Variants in GADL1 observed in about 807,000 individuals in gnomAD.
The protein encoded by GADL1 is acidic amino acid decarboxylase GADL1.
A neutral mutation model predicts 69.5 loss-of-function variants in GADL1; 71 were observed. The ratio of observed to expected loss-of-function variants is 1.02; its 90% CI spans 0.84 to 1.25. GADL1 has a LOEUF of 1.25. Ranked by LOEUF, GADL1 falls within the 50% of genes most tolerant of loss-of-function variation. GADL1 has a pLI of 0.00. For synonymous variants in GADL1, 254 were observed against 214.4 expected (o/e 1.18, Z -1.62); for missense variants, 737 against 631.8 (o/e 1.17, Z -1.79).
At chr3:30,761,082 C>T (rs1442736039) in intron 14 of GADL1, among the ~76,000 whole-genome samples, 1 of 152,168 alleles carries the variant, frequency 6.6e-6, no homozygotes, top group South Asian at 2.1e-4. Flanking sequence ...AAAAAGCTAT[C>T]GGGTTTCATA....
chr3:30,765,776 G>GGGGAGATGAAGGTGGGGA (rs1404301200), intron 14 of GADL1, among the ~76,000 whole-genome samples: 11 of 152,218 alleles, frequency 7.2e-5, no homozygotes, highest in African/African-American at 2.4e-4. Flanking sequence ...CATCTCCCCT[G>GGGGAGATGAAGGTGGGGA]CAATCTACTG....
intron 14 of GADL1, among the ~76,000 whole-genome samples, chr3:30,769,556 CT>C (rs1696368776): frequency 1.4e-4 from 1 of 6,976 alleles, no homozygotes; most frequent in African/African-American, 1.0e-3. Context: ...CATGGGCCAG[CT>C]TAGGCTACAA....
At chr3:30,806,412 AAAAGACTTGGCTGT>A (rs1235681843) in intron 11 of GADL1, among the ~76,000 whole-genome samples, 1 of 152,200 alleles carries the variant, frequency 6.6e-6, no homozygotes, top group Non-Finnish European at 1.5e-5. Context: ...GGTTGCAAAT[AAAAGACTTGGCTGT>A]AATCTAAAAT....
rs1317429842 is a variant in GADL1, at chr3:30,850,934, A to T, written c.436T>A (p.Tyr146Asn). 3 of 1,519,788 alleles carry T rather than the reference A, an allele frequency of 2.0e-6. No individual in the cohort carries two copies. In the East Asian group the frequency reaches 7.4e-5, roughly 37 times the overall value. 94.1% of individuals were successfully genotyped at this position (1,519,788 alleles called of 1,614,324 possible). ...TEALNPSVYT[Y>N]EVSPVFLLVE... ...AACAGAAACACTGGGGACACCTCAT[A>T]CGTATAACTAGATAGATATAAAAAA... is the stretch of plus-strand genomic sequence containing the variant. The change falls in exon 5 of 15, where the codon TAT (tyrosine) becomes AAT (asparagine). Residue 146 changes from tyrosine (Y) to asparagine (N), a missense_variant. Transcript: ENST00000282538.
Position 30,746,332 on chromosome 3 carries a change from T to C in GADL1, c.1393-17917A>G, listed in dbSNP as rs191180664. Among the ~76,000 whole-genome samples, 34 of 152,266 alleles carry C rather than the reference T, an allele frequency of 2.2e-4. 1 individual carries two copies. In the East Asian group the frequency reaches 6.2e-3, roughly 28 times the overall value. ...ATTGTTAAAATTACACACTTTAAGG[T>C]ACCACTCACTGCAGACCTACTGAGC... On this transcript the variant is annotated intron_variant, in intron 14 of 14. Transcript: ENST00000282538.
intron 1 of GADL1, among the ~76,000 whole-genome samples, chr3:30,865,413 C>A (rs2125538662): frequency 6.6e-6 from 1 of 152,052 alleles, no homozygotes; most frequent in Non-Finnish European, 1.5e-5. Flanking sequence ...AAGTGCCTGG[C>A]AGTTTGCAGG....
chr3:30,840,075 A>G (rs920589505), intron 8 of GADL1, among the ~76,000 whole-genome samples: 2 of 152,256 alleles, frequency 1.3e-5, no homozygotes, highest in Non-Finnish European at 1.5e-5. Context: ...AGAAATAGAC[A>G]AGAATATTTA....
chr3:30,763,501 CGGCGG>C (rs1696190413), intron 14 of GADL1, among the ~76,000 whole-genome samples: 2 of 17,844 alleles, frequency 1.1e-4, no homozygotes, highest in South Asian at 4.9e-3. Context: ...GACTCCGTCT[CGGCGG>C]CGGGGGGTGG....
At chr3:30,759,468 A>G (rs1420652473) in intron 14 of GADL1, among the ~76,000 whole-genome samples, 2 of 152,196 alleles carry the variant, frequency 1.3e-5, no homozygotes, top group Non-Finnish European at 2.9e-5. Context: ...GCTTGATGGA[A>G]GGTGCTATGT....
chr3:30,871,963 G>A (rs1698489338), intron 1 of GADL1, among the ~76,000 whole-genome samples: 1 of 151,992 alleles, frequency 6.6e-6, no homozygotes, highest in Admixed American at 6.6e-5. Flanking sequence ...ATCTTTTCAA[G>A]AGAGTAGATT....
chr3:30,783,645 TAAA>T (rs1016313660), intron 13 of GADL1, among the ~76,000 whole-genome samples: 1 of 126,054 alleles, frequency 7.9e-6, no homozygotes, highest in Non-Finnish European at 2.0e-5. Flanking sequence ...CTCAGTGTAA[TAAA>T]AAGAAAAGCG....
At chr3:30,890,572 T>C (rs182231287) in intron 1 of GADL1, among the ~76,000 whole-genome samples, 5 of 152,346 alleles carry the variant, frequency 3.3e-5, no homozygotes, top group Admixed American at 2.0e-4. Flanking sequence ...CCTGGACTCT[T>C]AATTCATTCT....
At chr3:30,754,977 A>AGGG (rs554283247) in intron 14 of GADL1, among the ~76,000 whole-genome samples, 1 of 152,106 alleles carries the variant, frequency 6.6e-6, no homozygotes, top group Non-Finnish European at 1.5e-5. Context: ...GCAGACCAAA[A>AGGG]CGGGGGAGCA....
intron 13 of GADL1, 52 bp from the exon 14 acceptor site, chr3:30,778,320 G>A (rs1455326717): frequency 1.8e-6 from 2 of 1,139,298 alleles, no homozygotes; most frequent in Non-Finnish European, 2.6e-6. Context: ...ATCTTAGAAT[G>A]CAATGAAATA....
chr3:30,805,580 G>A (rs560707546), intron 11 of GADL1, among the ~76,000 whole-genome samples: 32 of 152,096 alleles, frequency 2.1e-4, no homozygotes, highest in Admixed American at 1.0e-3. Context: ...CTCATTATGT[G>A]AAAGAATGAA....
At chr3:30,775,466 A>C (rs932115650) in intron 14 of GADL1, among the ~76,000 whole-genome samples, 1 of 152,176 alleles carries the variant, frequency 6.6e-6, no homozygotes. Flanking sequence ...GTGATATATA[A>C]TCTCCCTTCC....
At chr3:30,827,176 A>T (rs1697694894) in intron 11 of GADL1, among the ~76,000 whole-genome samples, 2 of 151,444 alleles carry the variant, frequency 1.3e-5, no homozygotes, top group Admixed American at 1.3e-4. Flanking sequence ...TTCAGGAAAC[A>T]TTTTTTAATT....
intron 14 of GADL1, among the ~76,000 whole-genome samples, chr3:30,729,646 T>G (rs1695425336): frequency 6.6e-6 from 1 of 152,190 alleles, no homozygotes; most frequent in African/African-American, 2.4e-5. Context: ...GTCAAATGAC[T>G]TCATCTGACA....
intron 13 of GADL1, among the ~76,000 whole-genome samples, chr3:30,785,995 G>C (rs892539975): frequency 3.3e-5 from 5 of 152,082 alleles, no homozygotes; most frequent in Non-Finnish European, 7.3e-5. Context: ...ATGCAGTACT[G>C]TACATTCACT....
Sources: allele counts gnomAD v4.1 joint callset (sites outside exome capture counted in the v4.1 genomes callset), GRCh38; gene constraint gnomAD v4.1.1; transcripts MANE v1.5; gene names NCBI Gene and HGNC (gene_info 2026-07-23, HGNC 2026-07-21).